Variants in PTPRG observed in about 807,000 individuals in gnomAD.
The protein encoded by PTPRG is receptor-type tyrosine-protein phosphatase gamma.
PTPRG carries 102 observed loss-of-function variants against 165.3 expected under a neutral mutation model. The observed-to-expected ratio is 0.62, with a 90% CI of 0.53 to 0.73. PTPRG has a LOEUF of 0.73. PTPRG is among the 30% of genes least tolerant of loss of function. PTPRG has a pLI of 0.00. For synonymous variants in PTPRG, 675 were observed against 669.5 expected, an observed-to-expected ratio of 1.01 and a Z score of -0.13; for missense variants, 1,866 against 1,861.4, an observed-to-expected ratio of 1.00 and a Z score of -0.05.
intron 2 of PTPRG, among the ~76,000 whole-genome samples, chr3:61,892,181 AC>A (rs2038233342): frequency 6.6e-6 from 1 of 152,144 alleles, no homozygotes; most frequent in African/African-American, 2.4e-5. Context: ...AATCCATTCA[AC>A]TAGTTCAAGT....
chr3:61,861,302 T>TG (rs2037263602), intron 2 of PTPRG, among the ~76,000 whole-genome samples: 1 of 151,922 alleles, frequency 6.6e-6, no homozygotes, highest in East Asian at 1.9e-4. Context: ...TTTTTCTTAG[T>TG]GGGGAAAAAA....
intron 2 of PTPRG, among the ~76,000 whole-genome samples, chr3:61,896,576 C>G (rs1479913949): frequency 2.0e-5 from 3 of 152,158 alleles, no homozygotes; most frequent in Non-Finnish European, 4.4e-5. Context: ...AACCAAGAGT[C>G]CAATTGCTGG....
At chr3:62,046,421 A>G (rs1217149149) in intron 4 of PTPRG, among the ~76,000 whole-genome samples, 1 of 152,104 alleles carries the variant, frequency 6.6e-6, no homozygotes, top group Non-Finnish European at 1.5e-5. Flanking sequence ...AGCAGTATAT[A>G]ATGGAGGAAT....
chr3:61,669,525 T>C (rs1297981032), intron 1 of PTPRG, among the ~76,000 whole-genome samples: 1 of 152,334 alleles, frequency 6.6e-6, no homozygotes, highest in East Asian at 1.9e-4. Context: ...ACTGTCTCTG[T>C]TAATTACAGT....
chr3:61,727,655 C>G (rs1575613667), intron 1 of PTPRG, among the ~76,000 whole-genome samples: 1 of 152,214 alleles, frequency 6.6e-6, no homozygotes, highest in East Asian at 1.9e-4. Context: ...CAGGGTAATA[C>G]AACTGCTGCC....
intron 1 of PTPRG, among the ~76,000 whole-genome samples, chr3:61,701,464 T>C (rs1244812058): frequency 6.6e-6 from 1 of 152,182 alleles, no homozygotes; most frequent in Non-Finnish European, 1.5e-5. Flanking sequence ...ATGATTATAA[T>C]AGTAATATTT....
chr3:61,985,716 T>C (rs887370084), intron 2 of PTPRG, among the ~76,000 whole-genome samples: 1 of 152,188 alleles, frequency 6.6e-6, no homozygotes, highest in Non-Finnish European at 1.5e-5. Flanking sequence ...CTAAATTTCT[T>C]CTTTGATTGA....
At chr3:61,565,494 T>G (rs1699889011) in intron 1 of PTPRG, among the ~76,000 whole-genome samples, 1 of 152,116 alleles carries the variant, frequency 6.6e-6, no homozygotes, top group South Asian at 2.1e-4. Flanking sequence ...CATAGTTCAT[T>G]CAAACTCTGA....
At chr3:61,874,879 T>C (rs924712076) in intron 2 of PTPRG, among the ~76,000 whole-genome samples, 4 of 152,182 alleles carry the variant, frequency 2.6e-5, no homozygotes, top group Non-Finnish European at 5.9e-5. Context: ...ATGGCATTGC[T>C]CCAGCGTTGA....
At chr3:61,784,927 C>G (rs1346815169) in intron 2 of PTPRG, among the ~76,000 whole-genome samples, 1 of 152,086 alleles carries the variant, frequency 6.6e-6, no homozygotes. Context: ...AGGTCGTAAC[C>G]CAGCAGTGAT....
chr3:61,969,500 C>A (rs958708467), intron 2 of PTPRG, among the ~76,000 whole-genome samples: 23 of 152,146 alleles, frequency 1.5e-4, no homozygotes, highest in Admixed American at 1.5e-3. Flanking sequence ...TTATCCTTTT[C>A]AGCAAAAAGT....
In PTPRG at chr3:62,014,166, A is replaced by G. The variant is rs568114835; in HGVS notation, c.519+10669A>G. ...ATTTATAAGGAATAGAAGGGAGTCA[A>G]GTTTGAAAGAAAGTCTATTTCCTCT... On this transcript the variant is annotated intron_variant, in intron 4 of 29. Transcript: ENST00000474889. Among the ~76,000 whole-genome samples the G allele has an allele frequency of 9.2e-5, 14 of 152,300 alleles. No homozygotes were observed. The South Asian group carries it at 1.5e-3, about 16-fold the overall frequency.
At chr3:61,913,704 T>C (rs1337132483) in intron 2 of PTPRG, among the ~76,000 whole-genome samples, 1 of 152,220 alleles carries the variant, frequency 6.6e-6, no homozygotes, top group African/African-American at 2.4e-5. Context: ...TATCCAGTGG[T>C]CTGTGCCTTT....
intron 1 of PTPRG, among the ~76,000 whole-genome samples, chr3:61,668,241 G>A (rs1209863364): frequency 1.3e-5 from 2 of 152,140 alleles, no homozygotes; most frequent in African/African-American, 4.8e-5. Context: ...CTCATACATT[G>A]AAGGTCCAAG....
intron 5 of PTPRG, among the ~76,000 whole-genome samples, chr3:62,116,544 C>T (rs1395389890): frequency 6.6e-6 from 1 of 152,024 alleles, no homozygotes. Flanking sequence ...GATATAACGA[C>T]GAGTGAAAGA....
At position 61,702,909 on chromosome 3, in the gene PTPRG, G is replaced by A. The variant is rs1394717820; in HGVS notation, c.86-45969G>A. 2.6e-5 allele frequency among the ~76,000 whole-genome samples: 4 copies of A among 152,302 alleles called. No homozygotes were observed. The South Asian group carries it at 8.3e-4, about 32-fold the overall frequency. ...CCTTTTGAGTTCTTTCTAGTTTTAG[G>A]CTTTCATGAGTAAAGCTGTAAAGAG... On this transcript the variant is annotated intron_variant, in intron 1 of 29. Transcript: ENST00000474889.
At chr3:61,891,741 A>G (rs1280217297) in intron 2 of PTPRG, among the ~76,000 whole-genome samples, 1 of 152,240 alleles carries the variant, frequency 6.6e-6, no homozygotes, top group African/African-American at 2.4e-5. Flanking sequence ...GCCATTATAC[A>G]CAAAGTACTT....
intron 5 of PTPRG, among the ~76,000 whole-genome samples, chr3:62,096,661 G>A (rs1222494940): frequency 1.3e-5 from 2 of 152,058 alleles, no homozygotes; most frequent in East Asian, 3.9e-4. Context: ...AACTTCTTGG[G>A]GGATTTCGTT....
chr3:62,073,373 GGAGAA>G, intron 4 of PTPRG, among the ~76,000 whole-genome samples: 1 of 152,272 alleles, frequency 6.6e-6, no homozygotes, highest in East Asian at 1.9e-4. Context: ...ACATTATAGT[GGAGAA>G]GCCCAATAGA....
Sources: gnomAD v4.1 joint callset for allele counts (sites outside exome capture counted in the v4.1 genomes callset) on GRCh38, gnomAD v4.1.1 for gene constraint, MANE v1.5 for transcripts, NCBI Gene and HGNC (gene_info 2026-07-23, HGNC 2026-07-21) for gene names.